The following FGF12 variants were observed in gnomAD, a reference collection of about 807,000 sequenced individuals.
FGF12 encodes fibroblast growth factor 12.
In FGF12, 14 loss-of-function variants were observed where a neutral mutation model predicts 23.6. The observed-to-expected ratio is 0.59, with a 90% CI of 0.39 to 0.93. FGF12 has a LOEUF of 0.93. FGF12 is among the 40% of genes least tolerant of loss of function. FGF12 has a pLI of 0.00. For synonymous variants in FGF12, 62 were observed against 77.3 expected, an observed-to-expected ratio of 0.80 and a Z score of 1.04; for missense variants, 175 against 217.8, an observed-to-expected ratio of 0.80 and a Z score of 1.24.
chr3:192,515,497 CTG>C (rs1320320638), intron 2 of FGF12: 1 of 152,560 alleles, frequency 6.6e-6, no homozygotes, highest in African/African-American at 2.4e-5. Flanking sequence ...GGTCGGGGCT[CTG>C]TGTCCTTGGG....
chr3:192,305,868 T>G (rs1442872772), intron 4 of FGF12, among the ~76,000 whole-genome samples: 1 of 132,950 alleles, frequency 7.5e-6, no homozygotes, highest in Non-Finnish European at 1.6e-5. Flanking sequence ...TTTTTTTTTT[T>G]TTTTTTTTTT....
chr3:192,575,709 A>G (rs1467171425), intron 2 of FGF12, among the ~76,000 whole-genome samples: 1 of 151,308 alleles, frequency 6.6e-6, no homozygotes, highest in Non-Finnish European at 1.5e-5. Context: ...TTTCTAATTC[A>G]GACTGATTTT....
chr3:192,152,483 G>A (rs1284650723), intron 5 of FGF12, among the ~76,000 whole-genome samples: 2 of 149,896 alleles, frequency 1.3e-5, no homozygotes, highest in Non-Finnish European at 3.0e-5. Context: ...ACACTGCTTT[G>A]AATGCGTCCC....
chr3:192,273,906 T>TAA (rs11308169), intron 4 of FGF12, among the ~76,000 whole-genome samples: 1 of 144,342 alleles, frequency 6.9e-6, no homozygotes, highest in African/African-American at 2.5e-5. Flanking sequence ...GTGAGTGAAT[T>TAA]AAAAAAAAAA....
rs569864115 is a variant in FGF12, at chr3:192,336,295, T to C, written c.125-831A>G. The stretch of plus-strand genomic sequence containing the variant: ...GAAACATGCTTGCAGTCTTTACATA[T>C]TCGAGTTGCTCATCACTCAAAATAC... On this transcript the variant is annotated intron_variant, in intron 3 of 5. Transcript: ENST00000445105. The surrounding 1 kb of genome is among the most constrained non-coding windows in gnomAD (Gnocchi z 4.3). 6.6e-6 allele frequency among the ~76,000 whole-genome samples: 1 copy of C among 152,236 alleles called. No individual in the cohort carries two copies. Among genetic ancestry groups the C allele is most frequent in the South Asian group, 2.1e-4 (1 of 4,828 alleles).
chr3:192,697,406 C>T (rs1214036972), intron 2 of FGF12, among the ~76,000 whole-genome samples: 8 of 152,320 alleles, frequency 5.3e-5, no homozygotes, highest in African/African-American at 1.7e-4. Flanking sequence ...GAGAAATGCA[C>T]ATTCTCTAAG....
intron 2 of FGF12, among the ~76,000 whole-genome samples, chr3:192,460,912 C>T (rs1294734727): frequency 6.6e-6 from 1 of 152,078 alleles, no homozygotes; most frequent in African/African-American, 2.4e-5. Context: ...GTATTTCCTG[C>T]CATACGGTAC....
chr3:192,421,067 C>T (rs1436755728), intron 2 of FGF12, among the ~76,000 whole-genome samples: 1 of 152,118 alleles, frequency 6.6e-6, no homozygotes, highest in Non-Finnish European at 1.5e-5. Context: ...CCACTACATG[C>T]ATGAAGTTAG....
At position 192,158,363 on chromosome 3, in the gene FGF12, T is replaced by TTTCTTTCTTTCTTTCTTTCTTTCTTTC. The variant is rs1560171383; in HGVS notation, c.427+12094_427+12095insGAAAGAAAGAAAGAAAGAAAGAAAGAA. Among the ~76,000 whole-genome samples the TTTCTTTCTTTCTTTCTTTCTTTCTTTC allele has an allele frequency of 5.7e-4, 62 of 108,504 alleles. 2 individuals are homozygous for TTTCTTTCTTTCTTTCTTTCTTTCTTTC. Among genetic ancestry groups the TTTCTTTCTTTCTTTCTTTCTTTCTTTC allele is most frequent in the African/African-American group, 2.0e-3 (52 of 26,128 alleles). The allele number at this position is 108,504 out of a possible 152,430, so 71.2% of individuals were successfully genotyped here. On this transcript the variant is annotated intron_variant, in intron 5 of 5. Coordinates refer to ENST00000445105, the MANE Select transcript of FGF12 (RefSeq NM_004113.6). ...CTTTCTTTCTTTCTTTCTTTCTTTC[T>TTTCTTTCTTTCTTTCTTTCTTTCTTTC]TTCTTTCTTTCTTTCTTTCTTTTCT...
At chr3:192,438,306 G>A (rs1045157333) in intron 2 of FGF12, among the ~76,000 whole-genome samples, 1 of 152,194 alleles carries the variant, frequency 6.6e-6, no homozygotes, top group African/African-American at 2.4e-5. Context: ...TCATCCAGAT[G>A]TTAAAATCAT....
At chr3:192,467,107 G>A (rs1219322505) in intron 2 of FGF12, among the ~76,000 whole-genome samples, 2 of 152,050 alleles carry the variant, frequency 1.3e-5, no homozygotes, top group African/African-American at 2.4e-5. Context: ...AAAAGAAGAC[G>A]AATCTAGAGA....
rs144596338 is a variant in FGF12 at position 192,526,874 on chromosome 3, T to G, written c.14-166336A>C. On this transcript the variant is annotated intron_variant, in intron 2 of 5. Transcript: ENST00000445105. ...GCAGTATGCGTCATGCCTTCTGTCT[T>G]TCCTAAAAATCAATGACACACCTAC... Among the ~76,000 whole-genome samples the G allele has an allele frequency of 6.8e-3, 1,042 of 152,286 alleles. 5 individuals carry two copies. Among genetic ancestry groups the G allele is most frequent in the Middle Eastern group, 0.024 (7 of 294 alleles).
At chr3:192,338,501 G>A (rs1488436819) in intron 3 of FGF12, among the ~76,000 whole-genome samples, 1 of 152,162 alleles carries the variant, frequency 6.6e-6, no homozygotes. Context: ...TTATAAGCTT[G>A]AGGAATCCTT....
chr3:192,394,209 A>C (rs1257860357), intron 2 of FGF12, among the ~76,000 whole-genome samples: 1 of 152,184 alleles, frequency 6.6e-6, no homozygotes, highest in Non-Finnish European at 1.5e-5. Flanking sequence ...TAGTTCCACT[A>C]TATTATTAAG....
At chr3:192,387,740 A>T (rs1315179276) in intron 2 of FGF12, among the ~76,000 whole-genome samples, 1 of 150,954 alleles carries the variant, frequency 6.6e-6, no homozygotes, top group Non-Finnish European at 1.5e-5. Flanking sequence ...TATATAAATT[A>T]TCTGGTTGTG....
intron 4 of FGF12, among the ~76,000 whole-genome samples, chr3:192,190,874 G>A (rs1716756236): frequency 6.6e-6 from 1 of 152,112 alleles, no homozygotes; most frequent in African/African-American, 2.4e-5. Context: ...CTCGTGAAAT[G>A]GTCTTTCAAA....
intron 4 of FGF12, among the ~76,000 whole-genome samples, chr3:192,255,756 A>G (rs1004696844): frequency 7.2e-5 from 11 of 152,110 alleles, no homozygotes; most frequent in South Asian, 2.1e-4. Context: ...TTTAACATGA[A>G]AGAAATATGT....
intron 2 of FGF12, among the ~76,000 whole-genome samples, chr3:192,620,544 G>A (rs930667316): frequency 5.3e-5 from 8 of 152,108 alleles, no homozygotes; most frequent in African/African-American, 1.9e-4. Context: ...CCACCAACCT[G>A]CTGCCCAAGC....
chr3:192,146,269 T>TAG, intron 5 of FGF12, among the ~76,000 whole-genome samples: 1 of 68,818 alleles, frequency 1.5e-5, no homozygotes, highest in East Asian at 2.5e-4. Context: ...CATTAAAGTG[T>TAG]ATATTTTTTT....
Sources: allele counts gnomAD v4.1 joint callset (sites outside exome capture counted in the v4.1 genomes callset), GRCh38; gene constraint gnomAD v4.1.1; non-coding constraint Gnocchi (gnomAD v3.1); transcripts MANE v1.5; gene names NCBI Gene and HGNC (gene_info 2026-07-23, HGNC 2026-07-21).